The following NEDD4L variants were observed in gnomAD, a reference collection of about 807,000 sequenced individuals.
NEDD4L encodes the protein E3 ubiquitin-protein ligase NEDD4-like.
Under a neutral mutation model 148.9 loss-of-function variants are expected in NEDD4L, and 54 were observed. The ratio of observed to expected loss-of-function variants is 0.36; its 90% CI spans 0.29 to 0.45. NEDD4L has a LOEUF of 0.45. NEDD4L is among the 20% of genes least tolerant of loss of function. NEDD4L has a pLI of 1.00. For missense variants in NEDD4L, 856 were observed against 1,233.8 expected (o/e 0.69, Z 4.59); for synonymous variants, 433 against 440.7 (o/e 0.98, Z 0.22).
chr18:58,280,910 ATAAT>A (rs1412151902), intron 5 of NEDD4L, among the ~76,000 whole-genome samples: 1 of 152,188 alleles, frequency 6.6e-6, no homozygotes, highest in Non-Finnish European at 1.5e-5. Context: ...GACTTATTTC[ATAAT>A]TAATTACTTT....
At chr18:58,080,527 A>G (rs748337672) in intron 1 of NEDD4L, among the ~76,000 whole-genome samples, 2 of 152,216 alleles carry the variant, frequency 1.3e-5, no homozygotes, top group African/African-American at 4.8e-5. Flanking sequence ...CATGTGGATC[A>G]TTTGTTGGAA....
chr18:58,216,967 A>G (rs150432989), intron 2 of NEDD4L, among the ~76,000 whole-genome samples: 1 of 152,344 alleles, frequency 6.6e-6, no homozygotes, highest in East Asian at 1.9e-4. Context: ...CAGATTCTAA[A>G]TGTTTTGAGG....
chr18:58,344,756 C>A (rs2042837425), intron 16 of NEDD4L, among the ~76,000 whole-genome samples: 1 of 152,044 alleles, frequency 6.6e-6, no homozygotes, highest in African/African-American at 2.4e-5. Context: ...ACCATGGAAC[C>A]CCTGGCTGTC....
At chr18:58,221,474 C>A in intron 2 of NEDD4L, 1 of 860,682 alleles carries the variant, frequency 1.2e-6, no homozygotes, top group Non-Finnish European at 1.4e-6. Flanking sequence ...GGAGGTGGAG[C>A]TTGACGCAAC....
intron 1 of NEDD4L, among the ~76,000 whole-genome samples, chr18:58,125,580 T>C (rs1229761229): frequency 6.6e-6 from 1 of 152,146 alleles, no homozygotes; most frequent in Admixed American, 6.5e-5. Flanking sequence ...AGCCCTTATA[T>C]GATCTCGAGT....
chr18:58,201,474 A>T (rs946981633), intron 2 of NEDD4L, among the ~76,000 whole-genome samples: 3 of 152,238 alleles, frequency 2.0e-5, no homozygotes, highest in African/African-American at 7.2e-5. Context: ...ACAGTTTACT[A>T]TCTTTATTGC....
At position 58,285,770 on chromosome 18, in the gene NEDD4L, A is replaced by G. The variant is rs573186652; in HGVS notation, c.298-30212A>G. Among the ~76,000 whole-genome samples the G allele has an allele frequency of 3.3e-5, 5 of 152,292 alleles. No individual in the cohort carries two copies. In the South Asian group the frequency reaches 1.0e-3, roughly 32 times the overall value. On this transcript the variant is annotated intron_variant, in intron 5 of 30. Coordinates refer to ENST00000400345, the MANE Select transcript of NEDD4L (RefSeq NM_001144967.3). ...TCTAACATTCAAATGCTTTTGATCA[A>G]CCTATTTTATGGAAGCAGAATATTG...
chr18:58,194,827 G>A (rs1372761226), intron 2 of NEDD4L, among the ~76,000 whole-genome samples: 3 of 152,196 alleles, frequency 2.0e-5, no homozygotes, highest in Admixed American at 6.5e-5. Context: ...TTAGAGCCAC[G>A]GGGAACTGTG....
At chr18:58,287,746 G>A (rs568477459) in intron 5 of NEDD4L, among the ~76,000 whole-genome samples, 2 of 152,240 alleles carry the variant, frequency 1.3e-5, no homozygotes, top group South Asian at 4.1e-4. Context: ...GAATCATTGT[G>A]TTGTGGCTTT....
chr18:58,291,496 AT>A (rs2054757633), intron 5 of NEDD4L, among the ~76,000 whole-genome samples: 1 of 152,204 alleles, frequency 6.6e-6, no homozygotes, highest in Non-Finnish European at 1.5e-5. Flanking sequence ...AAATGGACTG[AT>A]TCCATTTGTC....
chr18:58,323,116 G>T, intron 7 of NEDD4L, 116 bp from the exon 8 acceptor site: 1 of 592,402 alleles, frequency 1.7e-6, no homozygotes. Flanking sequence ...TGTGGGTATG[G>T]GTGGGTGGGG....
intron 23 of NEDD4L, 25 bp downstream of exon 23, chr18:58,370,492 G>A (rs2046712307): frequency 2.0e-6 from 3 of 1,467,700 alleles, no homozygotes; most frequent in Admixed American, 1.7e-5. Context: ...GTCACACACT[G>A]GCCATCACCG....
chr18:58,207,144 AG>A (rs2042060888), intron 2 of NEDD4L, among the ~76,000 whole-genome samples: 1 of 152,218 alleles, frequency 6.6e-6, no homozygotes, highest in South Asian at 2.1e-4. Flanking sequence ...AAAAGATACA[AG>A]GATATCTGGA....
Position 58,398,882 on chromosome 18 carries a change from G to A in NEDD4L, c.*2613G>A, listed in dbSNP as rs1394108404. 3.9e-5 allele frequency: 6 copies of A among 152,246 alleles called. No individual in the cohort carries two copies. The highest frequency in any genetic ancestry group is 1.4e-4 in the African/African-American group (6 of 41,444). 9.4% of individuals were successfully genotyped at this position (152,246 alleles called of 1,614,324 possible). A position where few individuals can be genotyped will look rare whatever the true frequency, so the allele number is the denominator to read the frequency against. ...CATTCCTTGGGCCCCGACCTGCCCG[G>A]GGAGTAGCCCTGGGGGAGAGAGGGC... On this transcript the variant is annotated 3_prime_UTR_variant, in exon 31 of 31. Transcript: ENST00000400345.
At chr18:58,066,219 G>A (rs1254543945) in intron 1 of NEDD4L, among the ~76,000 whole-genome samples, 9 of 152,080 alleles carry the variant, frequency 5.9e-5, no homozygotes, top group South Asian at 2.1e-4. Flanking sequence ...TTTTGGAAGC[G>A]TCCATTTGTG....
At chr18:58,086,371 G>T (rs1225137747) in intron 1 of NEDD4L, among the ~76,000 whole-genome samples, 1 of 152,212 alleles carries the variant, frequency 6.6e-6, no homozygotes, top group Non-Finnish European at 1.5e-5. Context: ...TCCCTGCAGG[G>T]TGGGGGCTCT....
chr18:58,151,273 T>C (rs2034699264), intron 1 of NEDD4L, among the ~76,000 whole-genome samples: 1 of 152,222 alleles, frequency 6.6e-6, no homozygotes, highest in Non-Finnish European at 1.5e-5. Flanking sequence ...TATTTGAGAA[T>C]GGCTCTCCAA....
At chr18:58,250,413 T>G (rs926316710) in intron 4 of NEDD4L, among the ~76,000 whole-genome samples, 13 of 152,148 alleles carry the variant, frequency 8.5e-5, no homozygotes, top group African/African-American at 2.2e-4. Context: ...CTCCCAAAGT[T>G]CTGGGATTAC....
intron 2 of NEDD4L, among the ~76,000 whole-genome samples, chr18:58,187,536 CA>C (rs1320243085): frequency 6.6e-6 from 1 of 152,156 alleles, no homozygotes; most frequent in Non-Finnish European, 1.5e-5. Context: ...TGCTTCACTA[CA>C]TATAAACCTT....
Sources: allele counts gnomAD v4.1 joint callset (sites outside exome capture counted in the v4.1 genomes callset), GRCh38; gene constraint gnomAD v4.1.1; transcripts MANE v1.5; gene names NCBI Gene and HGNC (gene_info 2026-07-23, HGNC 2026-07-21).